The following PGM2 variants were observed in gnomAD, a reference collection of about 807,000 sequenced individuals.
The protein encoded by PGM2 is phosphopentomutase.
In PGM2, 57 loss-of-function variants were observed where a neutral mutation model predicts 74.6. That is an observed-to-expected ratio of 0.76 (90% CI 0.62 to 0.95). The LOEUF (loss-of-function observed/expected upper bound fraction) is 0.95, where lower values mean the gene tolerates loss of function less well. Ranked by LOEUF, PGM2 falls within the 40% of genes least tolerant of loss-of-function variation. The pLI, the probability that PGM2 is intolerant of heterozygous loss-of-function variation, is 0.00. For missense variants in PGM2, 706 were observed against 741.9 expected (o/e 0.95, Z 0.56); for synonymous variants, 273 against 260.7 (o/e 1.05, Z -0.46).
At chr4:37,849,645 G>T (rs903503407) in intron 11 of PGM2, among the ~76,000 whole-genome samples, 1 of 151,984 alleles carries the variant, frequency 6.6e-6, no homozygotes. Context: ...CTAACCTCAG[G>T]TGATCCACCC....
chr4:37,841,100 A>ATATATG (rs1202149456), intron 6 of PGM2, among the ~76,000 whole-genome samples: 2,309 of 115,588 alleles, frequency 0.02, 48 homozygotes, highest in African/African-American at 0.051. Context: ...ATATATATAT[A>ATATATG]TGTGTGTGTG....
At chr4:37,829,847 CAT>C (rs3835059) in intron 1 of PGM2, 115 bp from the exon 2 acceptor site, 18,037 of 302,276 alleles carry the variant, frequency 0.06, 1,074 homozygotes, top group East Asian at 0.15. Context: ...GAAAGGTCTA[CAT>C]ATATATATAT....
intron 1 of PGM2, among the ~76,000 whole-genome samples, chr4:37,829,048 T>C (rs1448143390): frequency 6.6e-6 from 1 of 152,234 alleles, no homozygotes; most frequent in Admixed American, 6.5e-5. Context: ...CTCATCTAAA[T>C]GGATAATGAC....
chr4:37,828,882 A>G (rs1725365320), intron 1 of PGM2, among the ~76,000 whole-genome samples: 1 of 152,160 alleles, frequency 6.6e-6, no homozygotes, highest in Admixed American at 6.5e-5. Flanking sequence ...GTGTTCTGTA[A>G]TTAGCATCTG....
chr4:37,861,515 C>T lies in PGM2; in HGVS notation c.1742C>T (p.Pro581Leu). Residue 581 changes from proline to leucine, a missense_variant, in exon 14 of 14, where the codon CCT (proline) becomes CTT (leucine). Around this residue, in one of 3 missense-constraint regions of PGM2, gnomAD observed 359 missense variants for 371.1 expected, o/e 0.97. Coordinates refer to ENST00000381967, the MANE Select transcript of PGM2 (RefSeq NM_018290.4). ...ELCAPPGNSD[P>L]EQLKKELNEL... ...TTTTCCCCCTTATTTTCCAGTGATC[C>T]TGAGCAGCTGAAGAAGGAACTGAAT... 1 of 1,607,578 alleles carries T rather than the reference C, an allele frequency of 6.2e-7. No homozygotes were observed. The highest frequency in any genetic ancestry group is 8.5e-7 in the Non-Finnish European group (1 of 1,174,572).
rs34801450 is a variant in PGM2, at chr4:37,850,990, C to CAAAA, written c.1602+633_1602+636dup. On this transcript the variant is annotated intron_variant, in intron 12 of 13. Coordinates refer to ENST00000381967, the MANE Select transcript of PGM2 (RefSeq NM_018290.4). ...TGGGTGACAGAGCAAGACTTCATCT[C>CAAAA]AAAAAAAAAAAAAAAAAAAGAGGAA... Among the ~76,000 whole-genome samples, 521 of 107,262 alleles carry CAAAA rather than the reference C, an allele frequency of 4.9e-3. 8 individuals carry two copies. The highest frequency in any genetic ancestry group is 0.018 in the African/African-American group (464 of 25,804). The allele number at this position is 107,262 out of a possible 152,430, so 70.4% of individuals were successfully genotyped here. A position where few individuals can be genotyped will look rare whatever the true frequency, so the allele number is the denominator to read the frequency against.
chr4:37,850,019 C>T (rs2152179881), intron 11 of PGM2, among the ~76,000 whole-genome samples, 165 bp from the exon 12 acceptor site: 1 of 152,144 alleles, frequency 6.6e-6, no homozygotes, highest in East Asian at 1.9e-4. Context: ...TACTCCTGAC[C>T]TCAGGTGATC....
At chr4:37,830,211 AT>A (rs1309658864) in intron 2 of PGM2, 80 bp downstream of exon 2, 20 of 1,042,674 alleles carry the variant, frequency 1.9e-5, no homozygotes, top group Non-Finnish European at 2.5e-5. Context: ...ATTTATTCTA[AT>A]TATAGACATG....
Position 37,844,527 on chromosome 4 carries a change from A to C in PGM2, c.883A>C (p.Asn295His). The stretch of plus-strand genomic sequence containing the variant: ...TGAGTTTCCAACAGTGAAATACCCG[A>C]ATCCCGAAGAGGGGAAAGGTGTCTT... ...DPEFPTVKYP[N>H]PEEGKGVLTL... Residue 295 changes from asparagine (N) to histidine (H), a missense_variant, in exon 7 of 14, where the codon AAT becomes CAT. Physicochemically the swap from Asn to His is moderately conservative, Grantham distance 68 (BLOSUM62 1). Transcript: ENST00000381967. 6.2e-7 allele frequency: 1 copy of C among 1,612,740 alleles called. No individual in the cohort carries two copies. The highest frequency in any genetic ancestry group is 8.5e-7 in the Non-Finnish European group (1 of 1,179,174).
chr4:37,849,882 G>A (rs544141066), intron 11 of PGM2, among the ~76,000 whole-genome samples: 9 of 152,234 alleles, frequency 5.9e-5, no homozygotes, highest in African/African-American at 2.2e-4. Flanking sequence ...CACCTCCTGG[G>A]TTCAAGCGAT....
intron 2 of PGM2, among the ~76,000 whole-genome samples, chr4:37,831,182 G>A (rs1725431494): frequency 1.0e-5 from 1 of 96,398 alleles, no homozygotes. Context: ...AACAGAGCAA[G>A]ACTCTGTCTC....
intron 2 of PGM2, among the ~76,000 whole-genome samples, chr4:37,831,375 A>T (rs753560808): frequency 6.6e-6 from 1 of 152,146 alleles, no homozygotes; most frequent in Non-Finnish European, 1.5e-5. Context: ...TGTACCAGTT[A>T]CTAGGGCTAT....
rs1725851596 is a variant in PGM2, at chr4:37,845,677, T to C, written c.954T>C (p.Val318=). ...CTGACAAAACCAAGGCCAGAATTGT[T>C]TTAGCTAACGACCCGGATGCTGATA... is the stretch of plus-strand genomic sequence containing the variant. ...ALADKTKARI[V]LANDPDADRL... The change falls in exon 8 of 14, where the codon GTT becomes GTC. Residue 318 remains valine, a synonymous_variant. Coordinates refer to ENST00000381967, the MANE Select transcript of PGM2 (RefSeq NM_018290.4). The C allele has an allele frequency of 6.2e-7, 1 of 1,613,886 alleles. No individual in the cohort carries two copies. The highest frequency in any genetic ancestry group is 1.7e-5 in the Admixed American group (1 of 60,018).
chr4:37,830,383 C>T (rs926333780), intron 2 of PGM2, among the ~76,000 whole-genome samples: 4 of 152,160 alleles, frequency 2.6e-5, no homozygotes, highest in African/African-American at 9.7e-5. Flanking sequence ...TGTGCCAGCA[C>T]TGGGGATATA....
At chr4:37,852,731 T>TAA (rs1321844442) in intron 12 of PGM2, among the ~76,000 whole-genome samples, 2 of 152,224 alleles carry the variant, frequency 1.3e-5, no homozygotes, top group Admixed American at 6.5e-5. Flanking sequence ...ATGCCATACT[T>TAA]ATTCAGTCCT....
rs765371340 is a variant in PGM2, at chr4:37,847,271, T to G, written c.1258T>G (p.Leu420Val). Residue 420 changes from leucine to valine, a missense_variant, in exon 10 of 14, where the codon TTA (leucine) becomes GTA (valine). Physicochemically the swap from Leu to Val is conservative, Grantham distance 32. Coordinates refer to ENST00000381967, the MANE Select transcript of PGM2 (RefSeq NM_018290.4). ...GCTAATAGACCAGGGGAAAACTGTT[T>G]TATTTGCATTTGAAGAAGCTATTGG... is the stretch of plus-strand genomic sequence containing the variant. ...KQLIDQGKTV[L>V]FAFEEAIGYM... is the part of the protein sequence containing the mutation. 73 of 1,612,850 alleles carry G rather than the reference T, an allele frequency of 4.5e-5. No homozygotes were observed. The Admixed American group carries it at 1.2e-3, about 27-fold the overall frequency.
Position 37,834,711 on chromosome 4 carries a change from G to A in PGM2, c.343G>A (p.Gly115Ser), listed in dbSNP as rs774147973. The A allele has an allele frequency of 8.1e-6, 12 of 1,481,892 alleles. No homozygotes were observed. The South Asian group carries it at 1.2e-4, about 14-fold the overall frequency. 91.8% of individuals were successfully genotyped at this position (1,481,892 alleles called of 1,614,324 possible). A position where few individuals can be genotyped will look rare whatever the true frequency, so the allele number is the denominator to read the frequency against. The change falls in exon 3 of 14, where the codon GGT becomes AGT. Residue 115 changes from glycine to serine, a missense_variant. Gly to Ser is a moderately conservative substitution (Grantham distance 56). This residue lies in a region of PGM2 where 332 missense variants were observed against 334.9 expected (regional missense o/e 0.99). Transcript: ENST00000381967. ...CGCCCGAGCTCATCCATCCAGTGGG[G>A]GTAGCAGCAGAAGGTATTTAAACAT... ...FDARAHPSSG[G>S]SSRRFARLAA...
chr4:37,837,608 T>A lies in PGM2; in HGVS notation c.436T>A (p.Phe146Ile). ...CTTTTCTGATATAACGCCAACCCCC[T>A]TTGTGGTAAGTAGCCATTTCCTTTC... ...YLFSDITPTPFVPFTVSHLKL... is the reference protein window; with the variant it reads ...YLFSDITPTPIVPFTVSHLKL... The change falls in exon 4 of 14, where the codon TTT (phenylalanine) becomes ATT (isoleucine). Residue 146 changes from phenylalanine to isoleucine, a missense_variant. Phe to Ile is a conservative substitution (Grantham distance 21). This residue lies in a region of PGM2 where 332 missense variants were observed against 334.9 expected (regional missense o/e 0.99). Coordinates refer to ENST00000381967, the MANE Select transcript of PGM2 (RefSeq NM_018290.4). 1 of 1,598,658 alleles carries A rather than the reference T, an allele frequency of 6.3e-7. No individual in the cohort carries two copies. Among genetic ancestry groups the A allele is most frequent in the Non-Finnish European group, 8.6e-7 (1 of 1,165,858 alleles).
In PGM2 at chr4:37,826,701, C is replaced by T. The variant is rs1056910261; in HGVS notation, c.-32C>T. On this transcript the variant is annotated 5_prime_UTR_variant, in exon 1 of 14. Coordinates refer to ENST00000381967, the MANE Select transcript of PGM2 (RefSeq NM_018290.4). The stretch of plus-strand genomic sequence containing the variant: ...GCCGGAAGGCAGATCTCACCGCCTG[C>T]TTCCCTCTGCAGCGGTAGCACAAGC... 2.6e-5 allele frequency: 39 copies of T among 1,519,702 alleles called. No homozygotes were observed. In the African/African-American group the frequency reaches 4.6e-4, roughly 18 times the overall value. The allele number at this position is 1,519,702 out of a possible 1,614,324, so 94.1% of individuals were successfully genotyped here.
Sources: gnomAD v4.1 joint callset for allele counts (sites outside exome capture counted in the v4.1 genomes callset) on GRCh38, gnomAD v4.1.1 for gene constraint, gnomAD v4.1.1 regional missense constraint, MANE v1.5 for transcripts, NCBI Gene and HGNC (gene_info 2026-07-23, HGNC 2026-07-21) for gene names.